Variants in IP6K2 observed in about 807,000 individuals in gnomAD.
IP6K2 encodes the protein inositol hexakisphosphate kinase 2, also known as ATP:1D-myo-inositol-hexakisphosphate phosphotransferase.
IP6K2 carries 9 observed loss-of-function variants against 43.3 expected under a neutral mutation model. The observed-to-expected ratio is 0.21, with a 90% CI of 0.13 to 0.36. IP6K2 has a LOEUF of 0.36. Ranked by LOEUF, IP6K2 falls within the 10% of genes least tolerant of loss-of-function variation. The probability of loss-of-function intolerance (pLI) is 1.00; values close to 1 mark genes in which losing one functional copy is unlikely to be tolerated. For synonymous variants in IP6K2, 209 were observed against 202.4 expected, an observed-to-expected ratio of 1.03 and a Z score of -0.28; for missense variants, 332 against 538.4, an observed-to-expected ratio of 0.62 and a Z score of 3.79.
At chr3:48,696,730 TCTAA>T (rs374756611) in intron 1 of IP6K2, among the ~76,000 whole-genome samples, 173 of 152,316 alleles carry the variant, frequency 1.1e-3, no homozygotes, top group Non-Finnish European at 1.5e-3. Flanking sequence ...TTCCCATGAC[TCTAA>T]CTGAGAGAGG....
Position 48,695,079 on chromosome 3 carries a change from C to T in IP6K2, c.202+11G>A. The T allele has an allele frequency of 6.2e-7, 1 of 1,614,094 alleles. No individual in the cohort carries two copies. The highest frequency in any genetic ancestry group is 8.5e-7 in the Non-Finnish European group (1 of 1,179,912). On this transcript the variant is annotated intron_variant, in intron 2 of 5. Transcript: ENST00000328631. This position sits in a 1 kb window ranked among gnomAD's most constrained non-coding sequence, Gnocchi z 4.6. ...GCCAGTGTGGCAACCCCTCCAGCAG[C>T]TGGGACTTACCTTTGTACTGGGGAG...
intron 2 of IP6K2, chr3:48,694,469 A>G (rs879791622): frequency 6.5e-7 from 1 of 1,549,286 alleles, no homozygotes; most frequent in Non-Finnish European, 8.7e-7. Flanking sequence ...TTGATTTACA[A>G]AAGACTCCCC....
chr3:48,712,164 CAGG>C (rs1225181289), intron 1 of IP6K2, among the ~76,000 whole-genome samples: 3 of 150,938 alleles, frequency 2.0e-5, no homozygotes, highest in Non-Finnish European at 4.4e-5. Context: ...GATGCTGAAG[CAGG>C]AGGATTGCTT....
At chr3:48,691,188 G>A in intron 4 of IP6K2, 119 bp downstream of exon 4, 4 of 802,100 alleles carry the variant, frequency 5.0e-6, no homozygotes, top group Non-Finnish European at 4.1e-6. Flanking sequence ...GAATAACCCA[G>A]GTAGGAGAAA....
intron 1 of IP6K2, chr3:48,715,651 G>T: frequency 3.5e-6 from 2 of 563,638 alleles, no homozygotes; most frequent in Non-Finnish European, 6.3e-6. Context: ...CAAAAAGCTA[G>T]TTTCTACAAT....
At chr3:48,706,970 TATC>T (rs1357603503) in intron 1 of IP6K2, among the ~76,000 whole-genome samples, 4 of 152,230 alleles carry the variant, frequency 2.6e-5, no homozygotes, top group Non-Finnish European at 5.9e-5. Context: ...CTAATTTTGT[TATC>T]ATAATTGTAC....
At chr3:48,696,934 A>G (rs1305722282) in intron 1 of IP6K2, among the ~76,000 whole-genome samples, 1 of 152,192 alleles carries the variant, frequency 6.6e-6, no homozygotes, top group Admixed American at 6.5e-5. Context: ...ACCCAGGGCC[A>G]GAGACAATAA....
chr3:48,690,136 C>T (rs897675865), intron 4 of IP6K2, among the ~76,000 whole-genome samples: 2 of 152,206 alleles, frequency 1.3e-5, no homozygotes. Flanking sequence ...GCTCTTTAAA[C>T]GTCTGCTTCT....
In IP6K2 at chr3:48,688,899, C is replaced by A; in HGVS notation, c.781-126G>T. The A allele has an allele frequency of 2.1e-6, 2 of 974,942 alleles. No homozygotes were observed. Among genetic ancestry groups the A allele is most frequent in the Non-Finnish European group, 3.0e-6 (2 of 668,008 alleles). The allele number at this position is 974,942 out of a possible 1,614,324, so 60.4% of individuals were successfully genotyped here. A position where few individuals can be genotyped will look rare whatever the true frequency, so the allele number is the denominator to read the frequency against. ...CAGATCAGATAAAGTACACCAGTTG[C>A]ACATGAGCCACTGTCCACTATGCTC... On this transcript the variant is annotated intron_variant, in intron 5 of 5. Coordinates refer to ENST00000328631, the MANE Select transcript of IP6K2 (RefSeq NM_016291.4). This position sits in a 1 kb window ranked among gnomAD's most constrained non-coding sequence, Gnocchi z 5.1.
intron 1 of IP6K2, among the ~76,000 whole-genome samples, chr3:48,705,102 C>T (rs1379607941): frequency 1.2e-4 from 18 of 152,062 alleles, no homozygotes; most frequent in Admixed American, 1.1e-3. Flanking sequence ...CCACCACACC[C>T]GGCTAATTTT....
chr3:48,696,380 A>T (rs1292814975), intron 1 of IP6K2, among the ~76,000 whole-genome samples: 1 of 152,178 alleles, frequency 6.6e-6, no homozygotes, highest in Non-Finnish European at 1.5e-5. Flanking sequence ...ATCTAAAAAC[A>T]ACTGATCAAG....
chr3:48,710,771 G>A (rs987334879), intron 1 of IP6K2, among the ~76,000 whole-genome samples: 10 of 152,144 alleles, frequency 6.6e-5, no homozygotes, highest in Admixed American at 1.3e-4. Flanking sequence ...CACCACGCCC[G>A]GCTAATTTTT....
intron 2 of IP6K2, 136 bp from the exon 3 acceptor site, chr3:48,693,315 C>T (rs769899282): frequency 9.1e-7 from 1 of 1,097,884 alleles, no homozygotes; most frequent in Admixed American, 1.7e-5. Context: ...AACTCATCTG[C>T]AAACTTAACA....
intron 1 of IP6K2, chr3:48,715,641 C>T (rs575489855): frequency 5.0e-6 from 3 of 596,968 alleles, no homozygotes; most frequent in Non-Finnish European, 8.8e-6. Context: ...ACCAAACAAA[C>T]AAAAAGCTAG....
At chr3:48,705,917 A>AC (rs981917415) in intron 1 of IP6K2, among the ~76,000 whole-genome samples, 2 of 150,822 alleles carry the variant, frequency 1.3e-5, no homozygotes, top group Non-Finnish European at 3.0e-5. Context: ...AATAAAAAAA[A>AC]ACAGAAGGAC....
rs57768168 is a variant in IP6K2, at chr3:48,695,243, C to T, written c.49G>A (p.Val17Ile). 1.2e-3 allele frequency: 1,905 copies of T among 1,577,408 alleles called. 25 individuals are homozygous for T. The African/African-American group carries it at 0.024, about 20-fold the overall frequency. The change falls in exon 2 of 6, where the codon GTC becomes ATC. Residue 17 changes from valine to isoleucine, a missense_variant. Coordinates refer to ENST00000328631, the MANE Select transcript of IP6K2 (RefSeq NM_016291.4). The surrounding 1 kb of genome is among the most constrained non-coding windows in gnomAD (Gnocchi z 4.6). The part of the protein sequence containing the change: ...AMDVEPRAKG[V>I]LLEPFVHQVG... ...TGGTGGACAAAGGGCTCCAGAAGGA[C>T]GCCTTTGGCGCGGGGCTCCACATCC...
chr3:48,716,059 C>T (rs2081161238), intron 1 of IP6K2, among the ~76,000 whole-genome samples: 3 of 152,096 alleles, frequency 2.0e-5, no homozygotes, highest in South Asian at 2.1e-4. Context: ...TCTTTAAATA[C>T]TTAACACCCA....
In IP6K2 at chr3:48,688,689, G is replaced by C. The variant is rs1204677415; in HGVS notation, c.865C>G (p.Leu289Val). ...CGCCCATTGTGGAAGAACTGGAAAA[G>C]TGCCTCCTTGAAGCCCTGCACCGAT... ...KLSVQGFKEALFQFFHNGRYL... is the reference protein window; with the variant it reads ...KLSVQGFKEAVFQFFHNGRYL... Residue 289 changes from leucine (L) to valine (V), a missense_variant, in exon 6 of 6, where the codon CTT becomes GTT. Transcript: ENST00000328631. The surrounding 1 kb of genome is among the most constrained non-coding windows in gnomAD (Gnocchi z 5.1). The C allele has an allele frequency of 1.2e-6, 2 of 1,614,226 alleles. No individual in the cohort carries two copies. Among genetic ancestry groups the C allele is most frequent in the East Asian group, 2.2e-5 (1 of 44,882 alleles).
Position 48,695,046 on chromosome 3 carries a change from ATCTCCTCG to A in IP6K2, c.202+36_202+43del. On this transcript the variant is annotated intron_variant, in intron 2 of 5. Transcript: ENST00000328631. This position sits in a 1 kb window ranked among gnomAD's most constrained non-coding sequence, Gnocchi z 4.6. ...GCCTTCCATGGCCACGATCTCTCAC[ATCTCCTCG>A]CCAGTGTGGCAACCCCTCCAGCAGC... 6.2e-7 allele frequency: 1 copy of A among 1,614,160 alleles called. No individual in the cohort carries two copies. Among genetic ancestry groups the A allele is most frequent in the Non-Finnish European group, 8.5e-7 (1 of 1,180,006 alleles).
Sources: allele counts gnomAD v4.1 joint callset (sites outside exome capture counted in the v4.1 genomes callset), GRCh38; gene constraint gnomAD v4.1.1; non-coding constraint Gnocchi (gnomAD v3.1); transcripts MANE v1.5; gene names NCBI Gene and HGNC (gene_info 2026-07-23, HGNC 2026-07-21).